BAZ1A: variants seen among roughly 807,000 people sequenced by gnomAD.
BAZ1A encodes the protein bromodomain adjacent to zinc finger domain protein 1A.
BAZ1A carries 50 observed loss-of-function variants against 185.2 expected under a neutral mutation model. The observed-to-expected ratio is 0.27, with a 90% CI of 0.22 to 0.34. The LOEUF is 0.34. BAZ1A is among the 10% of genes least tolerant of loss of function. The probability of loss-of-function intolerance (pLI) is 1.00; values close to 1 mark genes in which losing one functional copy is unlikely to be tolerated. For synonymous variants in BAZ1A, 571 were observed against 615.6 expected (o/e 0.93, Z 1.07); for missense variants, 1,356 against 1,839.9 (o/e 0.74, Z 4.81).
At chr14:34,844,538 A>G (rs2042471753) in intron 3 of BAZ1A, among the ~76,000 whole-genome samples, 1 of 151,988 alleles carries the variant, frequency 6.6e-6, no homozygotes, top group African/African-American at 2.4e-5. Flanking sequence ...GCACTTTGGG[A>G]GGCTGAGACA....
intron 3 of BAZ1A, among the ~76,000 whole-genome samples, chr14:34,858,074 G>A (rs1315797230): frequency 1.3e-5 from 2 of 150,516 alleles, no homozygotes; most frequent in South Asian, 4.2e-4. Flanking sequence ...TGAGCTCATG[G>A]AGCTTACATT....
intron 2 of BAZ1A, among the ~76,000 whole-genome samples, chr14:34,870,955 AT>A (rs2042940436): frequency 6.6e-6 from 1 of 152,236 alleles, no homozygotes; most frequent in African/African-American, 2.4e-5. Context: ...AGTGTGAAAC[AT>A]AATTTGGACC....
At chr14:34,766,215 A>G (rs535741574) in intron 21 of BAZ1A, among the ~76,000 whole-genome samples, 1 of 152,214 alleles carries the variant, frequency 6.6e-6, no homozygotes, top group Non-Finnish European at 1.5e-5. Context: ...AATACGCATA[A>G]GGCATTGAAG....
At chr14:34,860,518 T>TAAAA (rs397852116) in intron 3 of BAZ1A, among the ~76,000 whole-genome samples, 35 of 70,610 alleles carry the variant, frequency 5.0e-4, no homozygotes, top group African/African-American at 7.0e-4. Flanking sequence ...TACCAAAAGT[T>TAAAA]AAAAAAAAAA....
intron 21 of BAZ1A, chr14:34,768,811 A>AT (rs776722139): frequency 8.3e-4 from 322 of 386,604 alleles, no homozygotes; most frequent in African/African-American, 1.2e-3. Flanking sequence ...TTAGTTGAAG[A>AT]TTTTTTTTTC....
At chr14:34,840,469 T>C (rs1465699346) in intron 3 of BAZ1A, among the ~76,000 whole-genome samples, 1 of 152,006 alleles carries the variant, frequency 6.6e-6, no homozygotes, top group Non-Finnish European at 1.5e-5. Context: ...CCTAAGATGA[T>C]AAAATTAGGC....
rs1399707423 is a variant in BAZ1A at position 34,764,779 on chromosome 14, T to C, written c.3704A>G (p.Glu1235Gly). ...EDDEVDGDEEEGQSEEEEYEV... is the reference protein window; with the variant it reads ...EDDEVDGDEEGGQSEEEEYEV... ...ATACTCTTCCTCCTCACTTTGACCT[T>C]CTTCTTCATCGCCATCAACTTCATC... Residue 1235 changes from glutamate to glycine, a missense_variant, in exon 23 of 27, where the codon GAA (glutamate) becomes GGA (glycine). By Grantham distance (98) the Glu-to-Gly change is moderately conservative (BLOSUM62 -2). Coordinates refer to ENST00000360310, the MANE Select transcript of BAZ1A (RefSeq NM_013448.3). 1.9e-6 allele frequency: 3 copies of C among 1,610,922 alleles called. No homozygotes were observed. Among genetic ancestry groups the C allele is most frequent in the South Asian group, 1.1e-5 (1 of 91,004 alleles).
Position 34,801,549 on chromosome 14 carries a change from G to A in BAZ1A, c.862-356C>T, listed in dbSNP as rs555553613. ...GACCTCAAGTGGGCTACTCACCTCA[G>A]CCTCCCAAAGTACTGGGATTACAGG... is the stretch of plus-strand genomic sequence containing the variant. On this transcript the variant is annotated intron_variant, in intron 7 of 26. Transcript: ENST00000360310. Among the ~76,000 whole-genome samples the A allele has an allele frequency of 7.9e-5, 12 of 152,264 alleles. No individual in the cohort carries two copies. In the East Asian group the frequency reaches 2.1e-3, roughly 27 times the overall value.
intron 16 of BAZ1A, among the ~76,000 whole-genome samples, chr14:34,782,472 T>C (rs1171369500): frequency 6.6e-6 from 1 of 152,172 alleles, no homozygotes; most frequent in Non-Finnish European, 1.5e-5. Context: ...AAAAATTAAC[T>C]CCCTATTCTG....
chr14:34,795,217 C>G (rs1441073416), intron 10 of BAZ1A, among the ~76,000 whole-genome samples: 2 of 152,202 alleles, frequency 1.3e-5, no homozygotes, highest in Non-Finnish European at 2.9e-5. Context: ...GAAGTCAAAT[C>G]AGCTGTGAAA....
chr14:34,866,742 C>T (rs946840789), intron 2 of BAZ1A, among the ~76,000 whole-genome samples: 5 of 151,830 alleles, frequency 3.3e-5, no homozygotes, highest in Admixed American at 6.6e-5. Flanking sequence ...CTTAGTATTG[C>T]TTGAGAAAAT....
chr14:34,820,200 A>C (rs1398733524), intron 4 of BAZ1A, among the ~76,000 whole-genome samples: 1 of 133,278 alleles, frequency 7.5e-6, no homozygotes, highest in Non-Finnish European at 1.5e-5. Context: ...CAATCAGCTC[A>C]CTGCAACTTC....
At chr14:34,852,578 C>A (rs762605972) in intron 3 of BAZ1A, among the ~76,000 whole-genome samples, 39 of 152,128 alleles carry the variant, frequency 2.6e-4, no homozygotes, top group Non-Finnish European at 4.6e-4. Context: ...AAGATTGCAC[C>A]ACTGCACTCC....
At chr14:34,774,262 AC>A (rs1258343114) in intron 19 of BAZ1A, 64 bp downstream of exon 19, 1 of 1,411,810 alleles carries the variant, frequency 7.1e-7, no homozygotes, top group Admixed American at 2.3e-5. Context: ...CATATAATTA[AC>A]AAATATGACC....
rs1159591043 is a variant in BAZ1A at position 34,874,772 on chromosome 14, C to A, written c.-58-110G>T. The A allele has an allele frequency of 1.9e-6, 1 of 530,924 alleles. No homozygotes were observed. Among genetic ancestry groups the A allele is most frequent in the Admixed American group, 4.0e-5 (1 of 24,924 alleles). 32.9% of individuals were successfully genotyped at this position (530,924 alleles called of 1,614,324 possible). The stretch of plus-strand genomic sequence containing the variant: ...TCGGCTGCCTTTTGTGTGACTGACG[C>A]GCCGCGGCCGCTACCGGAGCCGAGT... On this transcript the variant is annotated intron_variant, in intron 1 of 26. Transcript: ENST00000360310. This position sits in a 1 kb window ranked among gnomAD's most constrained non-coding sequence, Gnocchi z 4.7.
chr14:34,831,337 A>T (rs565722250), intron 3 of BAZ1A, among the ~76,000 whole-genome samples: 1 of 152,300 alleles, frequency 6.6e-6, no homozygotes, highest in East Asian at 1.9e-4. Flanking sequence ...TAAGATTTTT[A>T]AACTTGGAAT....
intron 12 of BAZ1A, among the ~76,000 whole-genome samples, chr14:34,790,510 T>G (rs919903478): frequency 5.3e-5 from 8 of 151,998 alleles, no homozygotes; most frequent in Non-Finnish European, 1.5e-5. Context: ...TGCGCCACCA[T>G]GCCTGGCTAA....
intron 17 of BAZ1A, among the ~76,000 whole-genome samples, chr14:34,777,644 CA>C (rs58853458): frequency 1.0e-3 from 132 of 125,742 alleles, no homozygotes; most frequent in Non-Finnish European, 9.9e-4. Flanking sequence ...ACTCTGTCTC[CA>C]AAAAAAAAAA....
intron 25 of BAZ1A, among the ~76,000 whole-genome samples, chr14:34,757,146 C>T (rs909895418): frequency 2.6e-5 from 4 of 152,094 alleles, no homozygotes; most frequent in Non-Finnish European, 5.9e-5. Flanking sequence ...ACATGGATCA[C>T]CTGAGGTTAG....
Sources: gnomAD v4.1 joint callset for allele counts (sites outside exome capture counted in the v4.1 genomes callset) on GRCh38, gnomAD v4.1.1 for gene constraint, Gnocchi (gnomAD v3.1) non-coding constraint, MANE v1.5 for transcripts, NCBI Gene and HGNC (gene_info 2026-07-23, HGNC 2026-07-21) for gene names.